The following STXBP5 variants were observed in gnomAD, a reference collection of about 807,000 sequenced individuals.
STXBP5 encodes the protein syntaxin-binding protein 5.
Under a neutral mutation model 152.4 loss-of-function variants are expected in STXBP5, and 50 were observed. The ratio of observed to expected loss-of-function variants is 0.33; its 90% CI spans 0.26 to 0.42. STXBP5 has a LOEUF of 0.42. Ranked by LOEUF, STXBP5 falls within the 10% of genes least tolerant of loss-of-function variation. The probability of loss-of-function intolerance (pLI) is 1.00; values close to 1 mark genes in which losing one functional copy is unlikely to be tolerated. For synonymous variants in STXBP5, 492 were observed against 494.7 expected (o/e 0.99, Z 0.07); for missense variants, 1,167 against 1,388.6 (o/e 0.84, Z 2.54).
intron 3 of STXBP5, among the ~76,000 whole-genome samples, chr6:147,237,878 G>C (rs1401185137): frequency 6.6e-6 from 1 of 152,130 alleles, no homozygotes; most frequent in Admixed American, 6.5e-5. Flanking sequence ...TGAAATTAAT[G>C]TAAATTCTGC....
At chr6:147,321,088 T>C (rs1350862599) in intron 16 of STXBP5, among the ~76,000 whole-genome samples, 3 of 152,206 alleles carry the variant, frequency 2.0e-5, no homozygotes, top group Non-Finnish European at 2.9e-5. Flanking sequence ...TGGACATTTT[T>C]GTCTAAAATC....
chr6:147,383,628 G>A (rs1359742702), intron 27 of STXBP5, among the ~76,000 whole-genome samples: 1 of 151,998 alleles, frequency 6.6e-6, no homozygotes, highest in African/African-American at 2.4e-5. Flanking sequence ...TTGACACACA[G>A]GCCTGCCTTT....
chr6:147,207,473 T>C lies in STXBP5; in HGVS notation c.248+1405T>C, dbSNP rs570247295. 1.4e-4 allele frequency among the ~76,000 whole-genome samples: 21 copies of C among 152,314 alleles called. No individual in the cohort carries two copies. In the South Asian group the frequency reaches 3.9e-3, roughly 29 times the overall value. On this transcript the variant is annotated intron_variant, in intron 2 of 27. Coordinates refer to ENST00000321680, the MANE Select transcript of STXBP5 (RefSeq NM_001127715.4). ...TCTTGCCCAAATATCTAGATAGTTATGACCAGAATGTTTTTTGGCTTCAAT... is the reference window on the plus strand; with the variant it reads ...TCTTGCCCAAATATCTAGATAGTTACGACCAGAATGTTTTTTGGCTTCAAT...
chr6:147,330,482 T>C (rs1562250146), intron 18 of STXBP5, among the ~76,000 whole-genome samples: 2 of 152,122 alleles, frequency 1.3e-5, no homozygotes, highest in South Asian at 2.1e-4. Flanking sequence ...ATCAAGATAA[T>C]TGGTGAATTT....
At chr6:147,255,044 A>G (rs372688666) in intron 4 of STXBP5, among the ~76,000 whole-genome samples, 2 of 152,354 alleles carry the variant, frequency 1.3e-5, no homozygotes, top group South Asian at 2.1e-4. Flanking sequence ...ACTATTCACA[A>G]TAGTAAAGAC....
At chr6:147,372,746 T>A (rs1340625572) in intron 25 of STXBP5, among the ~76,000 whole-genome samples, 3 of 152,028 alleles carry the variant, frequency 2.0e-5, no homozygotes. Flanking sequence ...ACCATCCTTG[T>A]CTTAGAAAAA....
Position 147,390,075 on chromosome 6 carries a change from T to G in STXBP5, c.*5320T>G, listed in dbSNP as rs1786520869. 1.3e-5 allele frequency: 2 copies of G among 152,010 alleles called. No individual in the cohort carries two copies. The highest frequency in any genetic ancestry group is 2.4e-5 in the African/African-American group (1 of 41,436). The allele number at this position is 152,010 out of a possible 1,614,324, so 9.4% of individuals were successfully genotyped here. A position where few individuals can be genotyped will look rare whatever the true frequency, so the allele number is the denominator to read the frequency against. ...TATACCTTAAACTGTAACTTGCAGG[T>G]GTTTTTCAGTTGCTGCACTTTTTAT... On this transcript the variant is annotated 3_prime_UTR_variant, in exon 28 of 28. Coordinates refer to ENST00000321680, the MANE Select transcript of STXBP5 (RefSeq NM_001127715.4).
At chr6:147,380,419 A>G (rs560016145) in intron 26 of STXBP5, among the ~76,000 whole-genome samples, 19 of 151,468 alleles carry the variant, frequency 1.3e-4, no homozygotes, top group Non-Finnish European at 2.2e-4. Context: ...GGTCTTTTCA[A>G]TAAGTGATGT....
intron 2 of STXBP5, among the ~76,000 whole-genome samples, chr6:147,215,864 T>A (rs1188923396): frequency 6.6e-6 from 1 of 152,176 alleles, no homozygotes; most frequent in Non-Finnish European, 1.5e-5. Context: ...GCTCAATTAT[T>A]GAAGTGTTTA....
intron 19 of STXBP5, among the ~76,000 whole-genome samples, chr6:147,336,999 T>C (rs1353578348): frequency 2.6e-5 from 4 of 152,064 alleles, no homozygotes. Flanking sequence ...TCATTTATTT[T>C]TATGTAAACC....
intron 11 of STXBP5, 114 bp downstream of exon 11, chr6:147,311,641 C>A: frequency 1.3e-6 from 1 of 746,244 alleles, no homozygotes. Context: ...ATATCCATAA[C>A]CTTGACCTCT....
chr6:147,248,625 C>G (rs1472898764), intron 4 of STXBP5, among the ~76,000 whole-genome samples: 1 of 152,148 alleles, frequency 6.6e-6, no homozygotes, highest in East Asian at 1.9e-4. Flanking sequence ...GGGCAGTATT[C>G]ACATCCTCCA....
chr6:147,269,134 G>T (rs904127285), intron 7 of STXBP5, among the ~76,000 whole-genome samples: 13 of 152,310 alleles, frequency 8.5e-5, no homozygotes, highest in African/African-American at 2.6e-4. Flanking sequence ...ATAAGGCTTG[G>T]ATAAGATCCA....
chr6:147,381,038 G>A (rs970971305), intron 26 of STXBP5, among the ~76,000 whole-genome samples: 1 of 152,126 alleles, frequency 6.6e-6, no homozygotes, highest in Admixed American at 6.6e-5. Flanking sequence ...AGCATGTGCA[G>A]GGGAACTGCC....
chr6:147,275,294 A>G (rs768871859), intron 7 of STXBP5, among the ~76,000 whole-genome samples: 2 of 152,104 alleles, frequency 1.3e-5, no homozygotes, highest in Non-Finnish European at 2.9e-5. Flanking sequence ...GTCAGATACT[A>G]CATCTTTTAA....
chr6:147,376,138 G>A (rs1459221827), intron 26 of STXBP5, among the ~76,000 whole-genome samples: 2 of 152,194 alleles, frequency 1.3e-5, no homozygotes, highest in African/African-American at 4.8e-5. Flanking sequence ...TGTATGGCAT[G>A]TGTGTACACA....
At chr6:147,295,705 G>A (rs1053743729) in intron 9 of STXBP5, among the ~76,000 whole-genome samples, 1 of 152,188 alleles carries the variant, frequency 6.6e-6, no homozygotes, top group Non-Finnish European at 1.5e-5. Flanking sequence ...TACCACTGCA[G>A]GCACATGCAG....
intron 19 of STXBP5, among the ~76,000 whole-genome samples, chr6:147,337,425 T>G (rs1295959255): frequency 1.3e-5 from 2 of 152,022 alleles, no homozygotes; most frequent in Admixed American, 6.6e-5. Context: ...GAAAACTATT[T>G]TGGAGCTTTT....
intron 9 of STXBP5, 54 bp from the exon 10 acceptor site, chr6:147,310,030 A>G: frequency 8.0e-7 from 1 of 1,255,228 alleles, no homozygotes; most frequent in Non-Finnish European, 1.1e-6. Context: ...TGATGTAGCA[A>G]GAAAATTATC....
Sources: allele counts gnomAD v4.1 joint callset (sites outside exome capture counted in the v4.1 genomes callset), GRCh38; gene constraint gnomAD v4.1.1; transcripts MANE v1.5; gene names NCBI Gene and HGNC (gene_info 2026-07-23, HGNC 2026-07-21).